FBXL17: variants seen among roughly 807,000 people sequenced by gnomAD.
FBXL17 encodes F-box/LRR-repeat protein 17.
In FBXL17, 22 loss-of-function variants were observed where a neutral mutation model predicts 66.2. The ratio of observed to expected loss-of-function variants is 0.33; its 90% confidence interval spans 0.24 to 0.47. FBXL17 has a LOEUF of 0.47. FBXL17 is among the 20% of genes least tolerant of loss of function. The pLI is 1.00. For missense variants in FBXL17, 878 were observed against 948.2 expected, an observed-to-expected ratio of 0.93 and a Z score of 0.97; for synonymous variants, 474 against 400.5, an observed-to-expected ratio of 1.18 and a Z score of -2.19.
intron 8 of FBXL17, among the ~76,000 whole-genome samples, chr5:107,869,437 G>A (rs1157042524): frequency 6.6e-6 from 1 of 152,138 alleles, no homozygotes; most frequent in African/African-American, 2.4e-5. Flanking sequence ...TGAAATCAGG[G>A]TAATGTGAAT....
chr5:108,040,301 A>G (rs288152), intron 6 of FBXL17, among the ~76,000 whole-genome samples: 25,331 of 152,100 alleles, frequency 0.17, 2,428 homozygotes, highest in South Asian at 0.42. Flanking sequence ...CTGGGGAAAA[A>G]GACACGTACA....
At chr5:108,163,399 C>CCTT (rs1554071043) in intron 6 of FBXL17, among the ~76,000 whole-genome samples, 3 of 129,538 alleles carry the variant, frequency 2.3e-5, no homozygotes, top group African/African-American at 1.0e-4. Flanking sequence ...TTTTTTTTTT[C>CCTT]TTTTTTTTTT....
intron 5 of FBXL17, among the ~76,000 whole-genome samples, chr5:108,216,650 T>G (rs1006504159): frequency 7.2e-5 from 11 of 152,222 alleles, no homozygotes; most frequent in African/African-American, 2.6e-4. Context: ...CCTCATATAC[T>G]GAAAGGAGTT....
intron 7 of FBXL17, among the ~76,000 whole-genome samples, chr5:107,882,297 T>C (rs1748817645): frequency 6.6e-6 from 1 of 152,194 alleles, no homozygotes; most frequent in African/African-American, 2.4e-5. Flanking sequence ...AAATGTTTAC[T>C]CCTACAGCTC....
intron 6 of FBXL17, among the ~76,000 whole-genome samples, chr5:108,113,441 T>C (rs1020003965): frequency 2.6e-4 from 40 of 151,894 alleles, no homozygotes; most frequent in African/African-American, 8.7e-4. Flanking sequence ...GCTATACACA[T>C]ATATATATAT....
intron 5 of FBXL17, among the ~76,000 whole-genome samples, chr5:108,189,924 T>C (rs1247479353): frequency 2.6e-5 from 4 of 152,188 alleles, no homozygotes; most frequent in Admixed American, 1.3e-4. Flanking sequence ...CTACATGAGC[T>C]TGTAAGAAGA....
At chr5:108,216,782 C>G (rs761959537) in intron 5 of FBXL17, among the ~76,000 whole-genome samples, 2 of 152,052 alleles carry the variant, frequency 1.3e-5, no homozygotes, top group Non-Finnish European at 2.9e-5. Context: ...GCGGCAGGTA[C>G]CAATAAGGGA....
At chr5:108,175,922 T>C (rs1752779092) in intron 6 of FBXL17, among the ~76,000 whole-genome samples, 1 of 152,208 alleles carries the variant, frequency 6.6e-6, no homozygotes, top group African/African-American at 2.4e-5. Flanking sequence ...AAGAAAATTG[T>C]CAGATTTAAT....
At chr5:108,069,834 T>C (rs1426359253) in intron 6 of FBXL17, among the ~76,000 whole-genome samples, 3 of 152,238 alleles carry the variant, frequency 2.0e-5, no homozygotes, top group Admixed American at 6.5e-5. Context: ...AACAAAGTTC[T>C]ATAGTGCTGA....
At chr5:108,231,323 A>T (rs937844179) in intron 4 of FBXL17, among the ~76,000 whole-genome samples, 1 of 152,174 alleles carries the variant, frequency 6.6e-6, no homozygotes, top group Non-Finnish European at 1.5e-5. Flanking sequence ...GCTCATATAC[A>T]GTTAATCACA....
intron 6 of FBXL17, among the ~76,000 whole-genome samples, chr5:108,047,210 C>A (rs2112814364): frequency 6.6e-6 from 1 of 152,330 alleles, no homozygotes; most frequent in South Asian, 2.1e-4. Context: ...CTGAGAGCCA[C>A]ACGGGGCAGG....
chr5:107,927,487 A>G (rs1037406169), intron 7 of FBXL17, among the ~76,000 whole-genome samples: 2 of 152,154 alleles, frequency 1.3e-5, no homozygotes, highest in Non-Finnish European at 2.9e-5. Flanking sequence ...AGCTAGGAAC[A>G]ATCACTTTCT....
At chr5:108,365,190 G>A (rs1255319107) in intron 2 of FBXL17, among the ~76,000 whole-genome samples, 195 bp from the exon 3 acceptor site, 2 of 151,952 alleles carry the variant, frequency 1.3e-5, no homozygotes, top group Admixed American at 1.3e-4. Flanking sequence ...ATTGGTCTTT[G>A]TCCTGAATTC....
At chr5:108,283,024 C>G (rs1285725130) in intron 4 of FBXL17, among the ~76,000 whole-genome samples, 1 of 150,562 alleles carries the variant, frequency 6.6e-6, no homozygotes, top group Non-Finnish European at 1.5e-5. Flanking sequence ...AATGAGAAAA[C>G]AGCCCATGCT....
intron 4 of FBXL17, among the ~76,000 whole-genome samples, chr5:108,240,148 A>AG: frequency 6.6e-6 from 1 of 152,204 alleles, no homozygotes; most frequent in African/African-American, 2.4e-5. Flanking sequence ...TTGTGGCTAT[A>AG]GGGAAAAAAA....
At chr5:108,060,451 C>T (rs1274654828) in intron 6 of FBXL17, among the ~76,000 whole-genome samples, 1 of 152,100 alleles carries the variant, frequency 6.6e-6, no homozygotes, top group Non-Finnish European at 1.5e-5. Context: ...GGACATATAG[C>T]ACTTTTTGAT....
chr5:107,971,253 A>G (rs938684724), intron 7 of FBXL17, among the ~76,000 whole-genome samples: 1 of 152,180 alleles, frequency 6.6e-6, no homozygotes, highest in African/African-American at 2.4e-5. Context: ...TCTACCAGCT[A>G]TCTCATTCTG....
rs1388845814 is a variant in FBXL17, at chr5:108,324,691, T to C, written c.1506+23708A>G. Among the ~76,000 whole-genome samples the C allele has an allele frequency of 2.6e-5, 4 of 152,092 alleles. No homozygotes were observed. The East Asian group carries it at 7.7e-4, about 29-fold the overall frequency. ...AAGAAGTGGAAGCAACCCAACTGTC[T>C]ATCAATAGATGAATGGATAAACAAA... On this transcript the variant is annotated intron_variant, in intron 4 of 8. Coordinates refer to ENST00000542267, the MANE Select transcript of FBXL17 (RefSeq NM_001163315.3).
intron 6 of FBXL17, among the ~76,000 whole-genome samples, chr5:108,153,667 G>A (rs939839573): frequency 6.6e-6 from 1 of 151,976 alleles, no homozygotes; most frequent in Non-Finnish European, 1.5e-5. Context: ...CTAAGAGTTA[G>A]GAAATTTCAT....
Sources: gnomAD v4.1 joint callset for allele counts (sites outside exome capture counted in the v4.1 genomes callset) on GRCh38, gnomAD v4.1.1 for gene constraint, MANE v1.5 for transcripts, NCBI Gene and HGNC (gene_info 2026-07-23, HGNC 2026-07-21) for gene names.